The following CMSS1 variants were observed in gnomAD, a reference collection of about 807,000 sequenced individuals.
CMSS1 encodes the protein cms1 ribosomal small subunit homolog.
A neutral mutation model predicts 43.5 loss-of-function variants in CMSS1; 33 were observed. The observed-to-expected ratio is 0.76, with a 90% CI of 0.57 to 1.01. The LOEUF is 1.01. CMSS1 is among the 50% of genes least tolerant of loss of function. The pLI is 0.00. For missense variants in CMSS1, 313 were observed against 326.4 expected (o/e 0.96, Z 0.32); for synonymous variants, 115 against 117.2 (o/e 0.98, Z 0.12).
chr3:100,061,141 A>T (rs919646747), intron 1 of CMSS1, among the ~76,000 whole-genome samples: 33 of 150,136 alleles, frequency 2.2e-4, no homozygotes, highest in South Asian at 4.2e-4. Flanking sequence ...TTAAAATTTA[A>T]AAAAAAAAAA....
chr3:100,152,152 G>T (rs1319000599), intron 2 of CMSS1, among the ~76,000 whole-genome samples: 1 of 151,594 alleles, frequency 6.6e-6, no homozygotes, highest in African/African-American at 2.4e-5. Context: ...ATTCTCCATG[G>T]TTCTTGGCTC....
rs1944669503 is a variant in CMSS1 at position 99,869,272 on chromosome 3, G to A, written c.64+51229G>A. On this transcript the variant is annotated intron_variant, in intron 1 of 9. Coordinates refer to ENST00000421999, the MANE Select transcript of CMSS1 (RefSeq NM_032359.4). ...ACTTTGCCTGTGATTCTTTGCATCT[G>A]TGTTCAGCCTAATGAATTTTATTGA... 5.3e-5 allele frequency among the ~76,000 whole-genome samples: 8 copies of A among 152,148 alleles called. No homozygotes were observed. In the South Asian group the frequency reaches 1.7e-3, roughly 31 times the overall value.
chr3:100,010,538 A>G (rs930472780), intron 1 of CMSS1, among the ~76,000 whole-genome samples: 1 of 152,046 alleles, frequency 6.6e-6, no homozygotes, highest in Non-Finnish European at 1.5e-5. Context: ...GTATTTGGTG[A>G]CAATCTGGCA....
At chr3:99,896,153 G>C (rs1223263547) in intron 1 of CMSS1, among the ~76,000 whole-genome samples, 1 of 152,154 alleles carries the variant, frequency 6.6e-6, no homozygotes, top group Non-Finnish European at 1.5e-5. Flanking sequence ...AACTGCTAAT[G>C]GTGCTCTCAC....
At chr3:100,120,340 G>C (rs936235886) in intron 1 of CMSS1, among the ~76,000 whole-genome samples, 17 of 152,288 alleles carry the variant, frequency 1.1e-4, no homozygotes, top group Admixed American at 8.5e-4. Context: ...AATAGGCACT[G>C]GTTCTCTGAA....
intron 1 of CMSS1, among the ~76,000 whole-genome samples, chr3:100,132,969 T>G (rs769056135): frequency 6.6e-6 from 1 of 152,096 alleles, no homozygotes; most frequent in Non-Finnish European, 1.5e-5. Flanking sequence ...ACATACACAG[T>G]GTTATACAGT....
At chr3:100,063,958 A>C (rs1208447785) in intron 1 of CMSS1, among the ~76,000 whole-genome samples, 1 of 152,224 alleles carries the variant, frequency 6.6e-6, no homozygotes, top group Non-Finnish European at 1.5e-5. Context: ...CCGTCAGCCA[A>C]ACCCATTGGT....
chr3:100,034,444 G>A (rs2065073239), intron 1 of CMSS1, among the ~76,000 whole-genome samples: 1 of 152,024 alleles, frequency 6.6e-6, no homozygotes. Context: ...ACTGGCTTTA[G>A]TAAGGAATGC....
At chr3:99,981,897 G>A (rs769835961) in intron 1 of CMSS1, among the ~76,000 whole-genome samples, 15 of 152,146 alleles carry the variant, frequency 9.9e-5, no homozygotes, top group Admixed American at 2.0e-4. Context: ...CCAGCAAGGC[G>A]GGAGGATCGC....
chr3:99,969,396 G>A (rs1041697026), intron 1 of CMSS1, among the ~76,000 whole-genome samples: 4 of 152,160 alleles, frequency 2.6e-5, no homozygotes, highest in Admixed American at 1.3e-4. Context: ...CACGTTGATG[G>A]CCTATTTGAG....
intron 1 of CMSS1, among the ~76,000 whole-genome samples, chr3:100,027,014 C>A (rs2064936076): frequency 6.6e-6 from 1 of 152,240 alleles, no homozygotes; most frequent in East Asian, 1.9e-4. Flanking sequence ...TGACCTTTGT[C>A]CTTGCTGTTC....
At position 99,990,306 on chromosome 3, in the gene CMSS1, A is replaced by G. The variant is rs114097639; in HGVS notation, c.65-156667A>G. 4.6e-3 allele frequency among the ~76,000 whole-genome samples: 694 copies of G among 152,336 alleles called. 7 individuals are homozygous for G. The highest frequency in any genetic ancestry group is 0.016 in the African/African-American group (677 of 41,574). ...TATCAGGGCTTGAACCAGAAGCCAC[A>G]GATTGCCAACTGAACCATGGCACCC... On this transcript the variant is annotated intron_variant, in intron 1 of 9. Transcript: ENST00000421999.
chr3:100,021,557 T>C (rs2064817749), intron 1 of CMSS1, among the ~76,000 whole-genome samples: 1 of 152,196 alleles, frequency 6.6e-6, no homozygotes, highest in Non-Finnish European at 1.5e-5. Flanking sequence ...GGAGCTATCG[T>C]GAGCTCTTGA....
chr3:100,135,506 C>A (rs1252607376), intron 1 of CMSS1, among the ~76,000 whole-genome samples: 1 of 147,102 alleles, frequency 6.8e-6, no homozygotes. Context: ...GAGACAGGGT[C>A]TTGCTCTGTC....
intron 9 of CMSS1, 106 bp from the exon 10 acceptor site, chr3:100,178,199 C>T (rs570936929): frequency 3.1e-6 from 2 of 635,788 alleles, no homozygotes; most frequent in South Asian, 3.9e-5. Context: ...CTGATTCTGG[C>T]CATAACAGCT....
chr3:99,941,222 T>C (rs1052196334), intron 1 of CMSS1, among the ~76,000 whole-genome samples: 3 of 152,216 alleles, frequency 2.0e-5, no homozygotes, highest in Admixed American at 6.5e-5. Flanking sequence ...GTTGATATTA[T>C]TCTCTTCAAT....
chr3:99,931,644 G>T (rs1675044916), intron 1 of CMSS1, among the ~76,000 whole-genome samples: 2 of 152,148 alleles, frequency 1.3e-5, no homozygotes, highest in Admixed American at 6.6e-5. Context: ...CTGTATTCCT[G>T]ACATTCTTCT....
intron 1 of CMSS1, among the ~76,000 whole-genome samples, chr3:99,937,524 A>G (rs1353647228): frequency 6.6e-6 from 1 of 152,242 alleles, no homozygotes; most frequent in East Asian, 1.9e-4. Context: ...CACAGCTCCA[A>G]CATGTTAGCT....
chr3:99,891,283 G>A (rs1054225615), intron 1 of CMSS1, among the ~76,000 whole-genome samples: 4 of 152,026 alleles, frequency 2.6e-5, no homozygotes, highest in Non-Finnish European at 4.4e-5. Context: ...TGACAGTTTA[G>A]CTCTTTGAAA....
Sources: allele counts gnomAD v4.1 joint callset (sites outside exome capture counted in the v4.1 genomes callset), GRCh38; gene constraint gnomAD v4.1.1; transcripts MANE v1.5; gene names NCBI Gene and HGNC (gene_info 2026-07-23, HGNC 2026-07-21).